CNTNAP3B: variants seen among roughly 807,000 people sequenced by gnomAD.
The protein encoded by CNTNAP3B is contactin associated protein family member 3B.
Under a neutral mutation model 108.9 loss-of-function variants are expected in CNTNAP3B, and 25 were observed. The ratio of observed to expected loss-of-function variants is 0.23; its 90% CI spans 0.17 to 0.32. CNTNAP3B has a LOEUF of 0.32. CNTNAP3B is among the 10% of genes least tolerant of loss of function. CNTNAP3B has a pLI of 1.00. For missense variants in CNTNAP3B, 252 were observed against 1,210.4 expected, an observed-to-expected ratio of 0.21 and a Z score of 11.75; for synonymous variants, 103 against 473.4, an observed-to-expected ratio of 0.22 and a Z score of 10.16.
chr9:42,064,946 T>A (rs1317161536), intron 3 of CNTNAP3B, among the ~76,000 whole-genome samples: 1 of 149,736 alleles, frequency 6.7e-6, no homozygotes, highest in Non-Finnish European at 1.5e-5. Flanking sequence ...TTTGGTAGAA[T>A]GATTAGATTT....
Position 42,120,518 on chromosome 9 carries a change from G to A in CNTNAP3B, c.85+8492C>T, listed in dbSNP as rs1164689699. ...AAATCATGCTGCTATAAAGACACAT[G>A]CACACGTATGTTTATTGCGGGACTA... On this transcript the variant is annotated intron_variant, in intron 1 of 23. Transcript: ENST00000377561. Among the ~76,000 whole-genome samples, 105 of 137,972 alleles carry A rather than the reference G, an allele frequency of 7.6e-4. 22 individuals carry two copies. The highest frequency in any genetic ancestry group is 1.9e-3 in the African/African-American group (66 of 34,476). The allele number at this position is 137,972 out of a possible 152,430, so 90.5% of individuals were successfully genotyped here.
chr9:41,937,838 A>G (rs1173513685), intron 14 of CNTNAP3B, among the ~76,000 whole-genome samples: 4 of 151,982 alleles, frequency 2.6e-5, no homozygotes, highest in South Asian at 4.1e-4. Flanking sequence ...TTAATTTCTA[A>G]AAGAAAGACA....
intron 13 of CNTNAP3B, among the ~76,000 whole-genome samples, chr9:41,947,543 T>C (rs1824562196): frequency 6.6e-6 from 1 of 152,174 alleles, no homozygotes; most frequent in East Asian, 1.9e-4. Flanking sequence ...GGTAAAACTG[T>C]GTTGATAGGG....
intron 14 of CNTNAP3B, among the ~76,000 whole-genome samples, chr9:41,934,090 A>T (rs1319525418): frequency 2.4e-5 from 1 of 42,298 alleles, no homozygotes; most frequent in Non-Finnish European, 4.8e-5. Context: ...TTGCCTTTGC[A>T]TATTTGTTAC....
chr9:42,080,659 T>C (rs1827594120), intron 2 of CNTNAP3B, among the ~76,000 whole-genome samples: 1 of 38,144 alleles, frequency 2.6e-5, no homozygotes, highest in Admixed American at 3.3e-4. Context: ...GAGACAAAAA[T>C]GTTGTCTTTG....
At chr9:41,946,027 C>A (rs80323968) in intron 13 of CNTNAP3B, among the ~76,000 whole-genome samples, 1,923 of 151,506 alleles carry the variant, frequency 0.013, 5 homozygotes, top group African/African-American at 0.032. Flanking sequence ...GTCAATATAA[C>A]AAGAAGATAT....
chr9:41,927,435 AAG>A (rs1201445989), intron 15 of CNTNAP3B, among the ~76,000 whole-genome samples: 9 of 149,854 alleles, frequency 6.0e-5, no homozygotes, highest in South Asian at 2.1e-4. Context: ...AAAGAAAAGA[AAG>A]AGAGAGAAAG....
chr9:42,064,950 T>G (rs1381780868), intron 3 of CNTNAP3B, among the ~76,000 whole-genome samples: 15 of 149,578 alleles, frequency 1.0e-4, no homozygotes. Flanking sequence ...GTAGAATGAT[T>G]AGATTTCTTT....
chr9:41,974,862 AAGT>A lies in CNTNAP3B; in HGVS notation c.1478-4620_1478-4618del, dbSNP rs1286745151. The A allele has an allele frequency of 3.7e-4, 35 of 94,362 alleles. 2 individuals are homozygous for A. The highest frequency in any genetic ancestry group is 6.3e-4 in the Non-Finnish European group (32 of 50,718). 5.8% of individuals were successfully genotyped at this position (94,362 alleles called of 1,614,324 possible). On this transcript the variant is annotated intron_variant, in intron 9 of 23. Coordinates refer to ENST00000377561, the MANE Select transcript of CNTNAP3B (RefSeq NM_001201380.3). ...AAGATTAGGAGGGAGAGAGGAGGAA[AAGT>A]AGTAGGGTGGAGCTGCCATTGCCCC...
chr9:41,927,825 A>G (rs1823861750), intron 15 of CNTNAP3B, among the ~76,000 whole-genome samples: 1 of 151,838 alleles, frequency 6.6e-6, no homozygotes, highest in Non-Finnish European at 1.5e-5. Context: ...ACATTGGGAA[A>G]AGCTTAGAAT....
chr9:42,109,468 T>C (rs1467021108), intron 1 of CNTNAP3B, among the ~76,000 whole-genome samples: 1 of 147,262 alleles, frequency 6.8e-6, no homozygotes, highest in Admixed American at 6.7e-5. Flanking sequence ...GCATGGATAA[T>C]ACATGGACAG....
intron 10 of CNTNAP3B, among the ~76,000 whole-genome samples, chr9:41,969,854 G>C (rs1347423901): frequency 7.2e-6 from 1 of 139,816 alleles, no homozygotes; most frequent in Non-Finnish European, 1.5e-5. Flanking sequence ...TTGATCTCCT[G>C]ATCTCGTGAT....
intron 14 of CNTNAP3B, among the ~76,000 whole-genome samples, chr9:41,934,233 T>A (rs1824083097): frequency 6.7e-6 from 1 of 148,956 alleles, no homozygotes; most frequent in Non-Finnish European, 1.5e-5. Context: ...TTTTTTTTTT[T>A]TTTGAGACAG....
intron 12 of CNTNAP3B, among the ~76,000 whole-genome samples, chr9:41,958,196 C>A (rs1824931014): frequency 6.6e-6 from 1 of 152,212 alleles, no homozygotes; most frequent in Non-Finnish European, 1.5e-5. Flanking sequence ...CAGTCTCCAA[C>A]TCCCAGGCTC....
At chr9:42,118,754 C>T (rs1329264421) in intron 1 of CNTNAP3B, among the ~76,000 whole-genome samples, 1 of 115,544 alleles carries the variant, frequency 8.7e-6, no homozygotes, top group Non-Finnish European at 1.8e-5. Flanking sequence ...TTGCAGATGA[C>T]ATGATTGTGT....
At chr9:42,079,469 A>G (rs1827566212) in intron 2 of CNTNAP3B, among the ~76,000 whole-genome samples, 1 of 119,460 alleles carries the variant, frequency 8.4e-6, no homozygotes, top group Non-Finnish European at 1.7e-5. Context: ...GAAACTGTGT[A>G]TCCTTTTCTG....
chr9:41,944,255 A>C (rs1278642005), intron 13 of CNTNAP3B, among the ~76,000 whole-genome samples: 1 of 148,878 alleles, frequency 6.7e-6, no homozygotes, highest in East Asian at 1.9e-4. Context: ...GAAAGGTAGG[A>C]GCATTAGAGA....
Position 42,080,388 on chromosome 9 carries a change from A to G in CNTNAP3B, c.197-3326T>C, listed in dbSNP as rs1186777468. Among the ~76,000 whole-genome samples the G allele has an allele frequency of 1.4e-5, 2 of 140,014 alleles. 1 individual carries two copies. Among genetic ancestry groups the G allele is most frequent in the East Asian group, 4.3e-4 (2 of 4,618 alleles). 91.9% of individuals were successfully genotyped at this position (140,014 alleles called of 152,430 possible). Reference sequence around the variant, plus strand: ...AATTTCATCAGGATGTTGTAGACTCATGGTTACAATCTGCAATCCCAGATG... The same window carrying G: ...AATTTCATCAGGATGTTGTAGACTCGTGGTTACAATCTGCAATCCCAGATG... On this transcript the variant is annotated intron_variant, in intron 2 of 23. Transcript: ENST00000377561.
At chr9:42,018,745 A>G (rs1297309767) in intron 3 of CNTNAP3B, among the ~76,000 whole-genome samples, 1 of 151,692 alleles carries the variant, frequency 6.6e-6, no homozygotes, top group Non-Finnish European at 1.5e-5. Flanking sequence ...ACAGGCTGCG[A>G]AGCTGGAGAG....
Sources: allele counts gnomAD v4.1 joint callset (sites outside exome capture counted in the v4.1 genomes callset), GRCh38; gene constraint gnomAD v4.1.1; transcripts MANE v1.5; gene names NCBI Gene and HGNC (gene_info 2026-07-23, HGNC 2026-07-21).